The following ROBO1 variants were observed in gnomAD, a reference collection of about 807,000 sequenced individuals.
ROBO1 encodes the protein roundabout homolog 1.
A neutral mutation model predicts 195.9 loss-of-function variants in ROBO1; 149 were observed. The ratio of observed to expected loss-of-function variants is 0.76; its 90% CI spans 0.67 to 0.87. The LOEUF (loss-of-function observed/expected upper bound fraction) is 0.87, where lower values mean the gene tolerates loss of function less well. Ranked by LOEUF, ROBO1 falls within the 40% of genes least tolerant of loss-of-function variation. The probability of loss-of-function intolerance (pLI) is 0.00; values close to 1 mark genes in which losing one functional copy is unlikely to be tolerated. For synonymous variants in ROBO1, 816 were observed against 733.2 expected (o/e 1.11, Z -1.82); for missense variants, 1,933 against 2,068.3 (o/e 0.93, Z 1.27).
At chr3:78,916,113 T>C (rs2038555133) in intron 4 of ROBO1, among the ~76,000 whole-genome samples, 1 of 151,290 alleles carries the variant, frequency 6.6e-6, no homozygotes, top group South Asian at 2.1e-4. Flanking sequence ...TAGCCGGGTG[T>C]GGTGGCGGCG....
chr3:79,193,823 T>C (rs2081585173), intron 2 of ROBO1, among the ~76,000 whole-genome samples: 1 of 151,276 alleles, frequency 6.6e-6, no homozygotes, highest in African/African-American at 2.4e-5. Context: ...GAAGAGACAT[T>C]AGCCAACAAA....
At chr3:79,388,408 G>A (rs2036832888) in intron 2 of ROBO1, among the ~76,000 whole-genome samples, 1 of 152,014 alleles carries the variant, frequency 6.6e-6, no homozygotes, top group African/African-American at 2.4e-5. Flanking sequence ...GCACCCCTGG[G>A]GATGGGTGTG....
At chr3:79,436,231 A>G (rs114247134) in intron 2 of ROBO1, among the ~76,000 whole-genome samples, 5,227 of 152,284 alleles carry the variant, frequency 0.034, 206 homozygotes, top group African/African-American at 0.098. Flanking sequence ...AACAAATTGC[A>G]TATGGTTAGT....
At position 79,400,280 on chromosome 3, in the gene ROBO1, C is replaced by A. The variant is rs116272597; in HGVS notation, c.88+189544G>T. On this transcript the variant is annotated intron_variant, in intron 2 of 30. Coordinates refer to ENST00000464233, the MANE Select transcript of ROBO1 (RefSeq NM_002941.4). ...CACTCCATAAAAGATACATATATAACAACCCCCACAACACACACACACTTA... is the reference window on the plus strand; with the variant it reads ...CACTCCATAAAAGATACATATATAAAAACCCCCACAACACACACACACTTA... 5.6e-4 allele frequency among the ~76,000 whole-genome samples: 85 copies of A among 152,014 alleles called. 1 individual carries two copies. The highest frequency in any genetic ancestry group is 1.1e-3 in the Non-Finnish European group (77 of 67,918).
intron 2 of ROBO1, among the ~76,000 whole-genome samples, chr3:79,496,715 T>C (rs1276122319): frequency 6.6e-6 from 1 of 152,154 alleles, no homozygotes; most frequent in Non-Finnish European, 1.5e-5. Flanking sequence ...CCTATCAAAA[T>C]AGCCTTTAAA....
chr3:79,729,980 A>G (rs1703078782), intron 1 of ROBO1, among the ~76,000 whole-genome samples: 1 of 152,208 alleles, frequency 6.6e-6, no homozygotes, highest in Non-Finnish European at 1.5e-5. Context: ...TCCTTTACAT[A>G]ATGTTTTACT....
intron 4 of ROBO1, among the ~76,000 whole-genome samples, chr3:78,782,363 A>AT (rs1380282118): frequency 6.6e-6 from 1 of 151,694 alleles, no homozygotes; most frequent in Admixed American, 6.6e-5. Context: ...CACCCAGCTA[A>AT]TTTTTGTATT....
intron 2 of ROBO1, among the ~76,000 whole-genome samples, chr3:79,557,040 T>G (rs1362275347): frequency 2.0e-5 from 3 of 151,066 alleles, no homozygotes; most frequent in African/African-American, 7.3e-5. Flanking sequence ...TTTATTTTTG[T>G]GGCAGACTAT....
chr3:79,492,425 C>CAAAAAAA (rs745481519), intron 2 of ROBO1, among the ~76,000 whole-genome samples: 4 of 85,670 alleles, frequency 4.7e-5, no homozygotes, highest in Non-Finnish European at 4.2e-5. Flanking sequence ...GACTCTGTTT[C>CAAAAAAA]AGAAAAAAAA....
chr3:78,600,341 G>T, intron 29 of ROBO1, 32 bp from the exon 30 acceptor site: 1 of 1,361,872 alleles, frequency 7.3e-7, no homozygotes, highest in Non-Finnish European at 1.0e-6. Flanking sequence ...ATGCAGGTGA[G>T]TACCATCATA....
Position 79,617,935 on chromosome 3 carries a change from A to C in ROBO1, c.-50-27974T>G, listed in dbSNP as rs555382046. Among the ~76,000 whole-genome samples the C allele has an allele frequency of 1.6e-4, 22 of 141,914 alleles. No individual in the cohort carries two copies. In the South Asian group the frequency reaches 5.1e-3, roughly 33 times the overall value. 93.1% of individuals were successfully genotyped at this position (141,914 alleles called of 152,430 possible). On this transcript the variant is annotated intron_variant, in intron 1 of 30. Transcript: ENST00000464233. The stretch of plus-strand genomic sequence containing the variant: ...AAGAGATATATTAAAAAAAAAAAAA[A>C]GAACTTCTGGAAATAAAAAATACAT...
chr3:78,772,636 T>TC (rs1221940637), intron 4 of ROBO1, among the ~76,000 whole-genome samples: 31 of 152,186 alleles, frequency 2.0e-4, no homozygotes, highest in African/African-American at 7.2e-4. Context: ...CCTATTTTTT[T>TC]CTTAATCTCC....
At chr3:78,822,304 A>T (rs897439899) in intron 4 of ROBO1, among the ~76,000 whole-genome samples, 1 of 152,100 alleles carries the variant, frequency 6.6e-6, no homozygotes, top group African/African-American at 2.4e-5. Flanking sequence ...ATCCACTACA[A>T]CATCCTTAAA....
chr3:78,717,176 T>C (rs1559780827), intron 7 of ROBO1, 99 bp downstream of exon 7: 4 of 1,284,464 alleles, frequency 3.1e-6, no homozygotes, highest in South Asian at 1.7e-5. Context: ...TAGAGGATTC[T>C]AGAATGGACT....
intron 2 of ROBO1, among the ~76,000 whole-genome samples, chr3:79,453,296 T>C (rs1319367226): frequency 6.6e-6 from 1 of 152,080 alleles, no homozygotes; most frequent in Non-Finnish European, 1.5e-5. Context: ...TAGGACATTA[T>C]TGGTCACCAT....
intron 1 of ROBO1, among the ~76,000 whole-genome samples, chr3:79,744,924 A>G (rs1560151401): frequency 6.6e-6 from 1 of 151,872 alleles, no homozygotes; most frequent in Non-Finnish European, 1.5e-5. Flanking sequence ...ATATATATAT[A>G]AAAACATATA....
chr3:79,004,177 C>T (rs910790211), intron 3 of ROBO1, among the ~76,000 whole-genome samples: 4 of 152,096 alleles, frequency 2.6e-5, no homozygotes, highest in African/African-American at 7.2e-5. Context: ...ACATTTCTAC[C>T]ACAAGTTGTT....
chr3:79,082,296 C>T (rs1030459283), intron 3 of ROBO1, among the ~76,000 whole-genome samples: 1 of 151,978 alleles, frequency 6.6e-6, no homozygotes, highest in African/African-American at 2.4e-5. Context: ...AATTTGCCAT[C>T]CAGAAAAGTC....
chr3:78,887,586 G>T (rs1448485019), intron 4 of ROBO1, among the ~76,000 whole-genome samples: 2 of 152,122 alleles, frequency 1.3e-5, no homozygotes, highest in African/African-American at 4.8e-5. Flanking sequence ...TTAAGTCCAA[G>T]GATACTTAGT....
Sources: gnomAD v4.1 joint callset for allele counts (sites outside exome capture counted in the v4.1 genomes callset) on GRCh38, gnomAD v4.1.1 for gene constraint, MANE v1.5 for transcripts, NCBI Gene and HGNC (gene_info 2026-07-23, HGNC 2026-07-21) for gene names.